Variants in GLIS1 observed in about 807,000 individuals in gnomAD.
GLIS1 encodes the protein GLIS family zinc finger 1.
In GLIS1, 24 loss-of-function variants were observed where a neutral mutation model predicts 63.8. The observed-to-expected ratio is 0.38, with a 90% confidence interval of 0.27 to 0.53. The LOEUF is 0.53. Among genes scored for constraint, GLIS1 ranks in the 20% least tolerant of loss-of-function variants. The pLI is 0.85. For missense variants in GLIS1, 1,036 were observed against 1,074.1 expected (o/e 0.96, Z 0.50); for synonymous variants, 450 against 482.5 (o/e 0.93, Z 0.88).
intron 3 of GLIS1, among the ~76,000 whole-genome samples, chr1:53,597,176 T>TAAA (rs57607550): frequency 1.7e-3 from 32 of 19,324 alleles, no homozygotes; most frequent in Admixed American, 3.9e-3. Context: ...CTGTCTCTAC[T>TAAA]AAAAAAAAAA....
chr1:53,627,981 A>G (rs1031434879), intron 2 of GLIS1, among the ~76,000 whole-genome samples: 1 of 152,198 alleles, frequency 6.6e-6, no homozygotes, highest in African/African-American at 2.4e-5. Flanking sequence ...CTTTCTGCCC[A>G]ATAGAATTTA....
intron 2 of GLIS1, among the ~76,000 whole-genome samples, chr1:53,621,512 C>T (rs1645542236): frequency 1.3e-5 from 2 of 152,234 alleles, no homozygotes; most frequent in South Asian, 4.1e-4. Context: ...GTCAAATGAC[C>T]AATTCGTCAA....
chr1:53,654,008 C>T (rs911033984), intron 2 of GLIS1, among the ~76,000 whole-genome samples: 1 of 151,812 alleles, frequency 6.6e-6, no homozygotes, highest in Non-Finnish European at 1.5e-5. Context: ...CATCCCCCAC[C>T]ATGGGGCAGA....
At chr1:53,643,209 C>G (rs1645805783) in intron 2 of GLIS1, among the ~76,000 whole-genome samples, 1 of 152,190 alleles carries the variant, frequency 6.6e-6, no homozygotes, top group African/African-American at 2.4e-5. Flanking sequence ...CTTTATTATC[C>G]AGGCCATAAA....
At chr1:53,736,786 T>C (rs1646916475) in intron 2 of GLIS1, among the ~76,000 whole-genome samples, 3 of 152,242 alleles carry the variant, frequency 2.0e-5, no homozygotes, top group Admixed American at 2.0e-4. Context: ...TGGGTGTTTT[T>C]GATCCACAAG....
chr1:53,538,652 G>A (rs1644607045), intron 4 of GLIS1, among the ~76,000 whole-genome samples: 1 of 152,180 alleles, frequency 6.6e-6, no homozygotes. Context: ...AGTGAGGCAA[G>A]GGAGAACAGG....
At chr1:53,676,603 C>T (rs1329573396) in intron 2 of GLIS1, among the ~76,000 whole-genome samples, 3 of 152,140 alleles carry the variant, frequency 2.0e-5, no homozygotes, top group Admixed American at 6.5e-5. Flanking sequence ...ACCAGCACCC[C>T]GCACGCACCC....
chr1:53,708,104 A>C (rs1392141430), intron 2 of GLIS1, among the ~76,000 whole-genome samples: 1 of 152,006 alleles, frequency 6.6e-6, no homozygotes, highest in Non-Finnish European at 1.5e-5. Flanking sequence ...AACACGGTGA[A>C]AACCTGTCTC....
chr1:53,552,367 C>T (rs1181342838), intron 4 of GLIS1, among the ~76,000 whole-genome samples: 1 of 152,144 alleles, frequency 6.6e-6, no homozygotes, highest in Non-Finnish European at 1.5e-5. Context: ...GCCCAGGTGG[C>T]AGGCAGACAG....
intron 5 of GLIS1, among the ~76,000 whole-genome samples, chr1:53,528,040 G>C (rs1350766331): frequency 2.6e-5 from 4 of 152,156 alleles, no homozygotes; most frequent in Non-Finnish European, 5.9e-5. Context: ...AGAGGGTGCA[G>C]GGAGGCCTGG....
intron 4 of GLIS1, among the ~76,000 whole-genome samples, chr1:53,590,280 GCCAAGTGACTA>G (rs1645175581): frequency 6.6e-6 from 1 of 152,138 alleles, no homozygotes; most frequent in South Asian, 2.1e-4. Flanking sequence ...TCACACAGCT[GCCAAGTGACTA>G]AACCAGGCTG....
In GLIS1 at chr1:53,617,594, T is replaced by C. The variant is rs372170376; in HGVS notation, c.260-17316A>G. On this transcript the variant is annotated intron_variant, in intron 2 of 10. Transcript: ENST00000628545. ...GCTTAGCAATGCCGCACACGGGCAA[T>C]TGGCCGATGACTTCATCCCATCTTC... is the stretch of plus-strand genomic sequence containing the variant. 9.2e-5 allele frequency among the ~76,000 whole-genome samples: 14 copies of C among 152,376 alleles called. No homozygotes were observed. In the South Asian group the frequency reaches 2.7e-3, roughly 29 times the overall value.
At chr1:53,572,436 A>T (rs1644992541) in intron 4 of GLIS1, among the ~76,000 whole-genome samples, 1 of 152,182 alleles carries the variant, frequency 6.6e-6, no homozygotes, top group Non-Finnish European at 1.5e-5. Flanking sequence ...CAGACACCCC[A>T]TCCACCTGAT....
chr1:53,616,479 T>C (rs1479056733), intron 2 of GLIS1, among the ~76,000 whole-genome samples: 2 of 152,334 alleles, frequency 1.3e-5, no homozygotes, highest in East Asian at 3.9e-4. Context: ...GTGCCCACAC[T>C]GGTTTTTTCC....
intron 5 of GLIS1, 53 bp from the exon 6 acceptor site, chr1:53,524,940 C>T (rs1259294484): frequency 8.3e-6 from 11 of 1,326,410 alleles, no homozygotes; most frequent in African/African-American, 1.4e-5. Context: ...CTACGGGACA[C>T]GCGCCTCCGC....
chr1:53,527,152 G>A (rs1189489478), intron 5 of GLIS1, among the ~76,000 whole-genome samples: 2 of 152,226 alleles, frequency 1.3e-5, no homozygotes, highest in African/African-American at 2.4e-5. Context: ...ATCCCACAGC[G>A]GGGAGAGGGA....
chr1:53,617,544 A>T (rs545114997), intron 2 of GLIS1, among the ~76,000 whole-genome samples: 7 of 152,352 alleles, frequency 4.6e-5, no homozygotes, highest in African/African-American at 1.7e-4. Flanking sequence ...GCTACTTGTG[A>T]CATCTGTGTG....
intron 2 of GLIS1, among the ~76,000 whole-genome samples, chr1:53,720,267 T>G: frequency 6.6e-6 from 1 of 152,276 alleles, no homozygotes; most frequent in Middle Eastern, 3.4e-3. Context: ...TGTCCATCAA[T>G]AGACAAATGG....
chr1:53,513,792 A>G lies in GLIS1; in HGVS notation c.1883+833T>C, dbSNP rs190757995. 8.5e-5 allele frequency among the ~76,000 whole-genome samples: 13 copies of G among 152,334 alleles called. No individual in the cohort carries two copies. The East Asian group carries it at 2.1e-3, about 25-fold the overall frequency. ...AATGAATGGCAGGAGGAGCCCAGTAATAATAGGAGCAGTGGGCCACAAATG... is the reference window on the plus strand; with the variant it reads ...AATGAATGGCAGGAGGAGCCCAGTAGTAATAGGAGCAGTGGGCCACAAATG... On this transcript the variant is annotated intron_variant, in intron 8 of 10. Transcript: ENST00000628545.
Sources: gnomAD v4.1 joint callset for allele counts (sites outside exome capture counted in the v4.1 genomes callset) on GRCh38, gnomAD v4.1.1 for gene constraint, MANE v1.5 for transcripts, NCBI Gene and HGNC (gene_info 2026-07-23, HGNC 2026-07-21) for gene names.